Variants in ALK observed in about 807,000 individuals in gnomAD.
The protein encoded by ALK is ALK receptor tyrosine kinase, also known as ALK tyrosine kinase receptor.
In ALK, 74 loss-of-function variants were observed where a neutral mutation model predicts 163.1. That is an observed-to-expected ratio of 0.45 (90% CI 0.38 to 0.55). The LOEUF (loss-of-function observed/expected upper bound fraction) is 0.55, where lower values mean the gene tolerates loss of function less well. ALK is among the 20% of genes least tolerant of loss of function. The probability of loss-of-function intolerance (pLI) is 0.00; values close to 1 mark genes in which losing one functional copy is unlikely to be tolerated. For missense variants in ALK, 2,063 were observed against 2,105.3 expected (o/e 0.98, Z 0.39); for synonymous variants, 960 against 843.2 (o/e 1.14, Z -2.40).
At chr2:29,738,898 C>A (rs985969320) in intron 1 of ALK, among the ~76,000 whole-genome samples, 2 of 151,964 alleles carry the variant, frequency 1.3e-5, no homozygotes, top group Admixed American at 1.3e-4. Flanking sequence ...ACAATAATTT[C>A]TAGGATATCT....
At chr2:29,333,552 T>C (rs555906970) in intron 5 of ALK, among the ~76,000 whole-genome samples, 2 of 152,342 alleles carry the variant, frequency 1.3e-5, no homozygotes, top group Admixed American at 1.3e-4. Flanking sequence ...CTATTTATCA[T>C]ATGCGTGACA....
intron 4 of ALK, among the ~76,000 whole-genome samples, chr2:29,408,563 T>C (rs532842911): frequency 6.6e-6 from 1 of 152,320 alleles, no homozygotes; most frequent in African/African-American, 2.4e-5. Flanking sequence ...TCAATCGAGG[T>C]ATATGCATAT....
intron 1 of ALK, among the ~76,000 whole-genome samples, chr2:29,802,537 AGGAGGGGAGGGGAGGGGAGGAGAGG>A (rs1664506548): frequency 3.2e-4 from 1 of 3,170 alleles, no homozygotes; most frequent in Non-Finnish European, 6.5e-4. Context: ...AGGAGGGGAG[AGGAGGGGAGGGGAGGGGAGGAGAGG>A]GGAGGGGAGG....
intron 3 of ALK, among the ~76,000 whole-genome samples, chr2:29,657,596 TG>T (rs1052498510): frequency 4.6e-5 from 7 of 152,130 alleles, no homozygotes; most frequent in Non-Finnish European, 8.8e-5. Context: ...AAACACAAAA[TG>T]GCTCTGCTGT....
At chr2:29,636,295 G>C (rs1676526644) in intron 3 of ALK, among the ~76,000 whole-genome samples, 2 of 150,818 alleles carry the variant, frequency 1.3e-5, no homozygotes, top group South Asian at 4.2e-4. Context: ...ATAATAAATG[G>C]TCTTGGAGCA....
intron 12 of ALK, among the ~76,000 whole-genome samples, chr2:29,248,225 C>T (rs1469311632): frequency 6.6e-6 from 1 of 152,134 alleles, no homozygotes; most frequent in Non-Finnish European, 1.5e-5. Context: ...TCTATAATCC[C>T]AGCACTTTGG....
Position 29,228,939 on chromosome 2 carries a change from A to AAC in ALK, c.2759_2760insGT (p.Gly922SerfsTer18). The AAC allele has an allele frequency of 2.1e-6, 3 of 1,412,038 alleles. No individual in the cohort carries two copies. Among genetic ancestry groups the AAC allele is most frequent in the Admixed American group, 1.9e-5 (1 of 53,904 alleles). The allele number at this position is 1,412,038 out of a possible 1,614,324, so 87.5% of individuals were successfully genotyped here. ...AGCACCCCCCTCCACCCCCTCCGAA[A>AAC]CCCCCTCTTGTCTCCCACCCCCACT... On this transcript the variant is annotated frameshift_variant, in exon 16 of 29. Coordinates refer to ENST00000389048, the MANE Select transcript of ALK (RefSeq NM_004304.5). LOFTEE classifies it high-confidence loss of function.
chr2:29,507,490 C>G (rs1227699902), intron 4 of ALK, among the ~76,000 whole-genome samples: 2 of 152,104 alleles, frequency 1.3e-5, no homozygotes, highest in Admixed American at 1.3e-4. Flanking sequence ...TACTTTAACA[C>G]TATTGAACTG....
At chr2:29,537,679 T>C (rs1673297977) in intron 3 of ALK, among the ~76,000 whole-genome samples, 1 of 152,214 alleles carries the variant, frequency 6.6e-6, no homozygotes, top group Non-Finnish European at 1.5e-5. Flanking sequence ...CTGCCTTCTA[T>C]ATCCAAGAAT....
chr2:29,541,775 A>G (rs868132617), intron 3 of ALK, among the ~76,000 whole-genome samples: 1 of 152,218 alleles, frequency 6.6e-6, no homozygotes, highest in Non-Finnish European at 1.5e-5. Context: ...CACTGATGCA[A>G]CCAGCTCTTC....
chr2:29,531,398 G>A (rs1673113613), intron 4 of ALK, among the ~76,000 whole-genome samples: 1 of 152,100 alleles, frequency 6.6e-6, no homozygotes, highest in African/African-American at 2.4e-5. Context: ...TGTCTTGGTG[G>A]TTGTAGCACA....
At chr2:29,234,334 C>T (rs1179215357) in intron 13 of ALK, among the ~76,000 whole-genome samples, 1 of 152,100 alleles carries the variant, frequency 6.6e-6, no homozygotes, top group East Asian at 1.9e-4. Context: ...ACTTCATTCT[C>T]TATGAGAGCC....
At chr2:29,309,814 T>C (rs1666648654) in intron 8 of ALK, among the ~76,000 whole-genome samples, 1 of 152,158 alleles carries the variant, frequency 6.6e-6, no homozygotes, top group Non-Finnish European at 1.5e-5. Flanking sequence ...CTGGTGCTAA[T>C]GTGGACACTG....
intron 1 of ALK, among the ~76,000 whole-genome samples, chr2:29,763,189 C>G (rs1680760935): frequency 6.6e-6 from 1 of 151,754 alleles, no homozygotes; most frequent in Non-Finnish European, 1.5e-5. Context: ...GAGTTGTAAA[C>G]CTTTGCCAGA....
At chr2:29,858,116 C>T (rs747701516) in intron 1 of ALK, among the ~76,000 whole-genome samples, 3 of 152,026 alleles carry the variant, frequency 2.0e-5, no homozygotes, top group Non-Finnish European at 4.4e-5. Flanking sequence ...TTATCACACG[C>T]ATTAGTTTCT....
At chr2:29,750,111 C>T (rs1223633012) in intron 1 of ALK, among the ~76,000 whole-genome samples, 6 of 152,256 alleles carry the variant, frequency 3.9e-5, no homozygotes, top group African/African-American at 1.4e-4. Flanking sequence ...GCATGGGACT[C>T]GAGAAGTATA....
intron 4 of ALK, among the ~76,000 whole-genome samples, chr2:29,430,578 C>G (rs1253969326): frequency 6.6e-6 from 1 of 152,130 alleles, no homozygotes; most frequent in Non-Finnish European, 1.5e-5. Flanking sequence ...AGGTGGCTGG[C>G]CTGAGAGTCA....
intron 4 of ALK, 98 bp downstream of exon 4, chr2:29,531,817 C>T: frequency 8.0e-7 from 1 of 1,254,836 alleles, no homozygotes; most frequent in East Asian, 2.3e-5. Context: ...AAAGGACAAT[C>T]ATGAGTTTGT....
chr2:29,236,899 G>A (rs796430361), intron 13 of ALK, among the ~76,000 whole-genome samples: 14 of 152,126 alleles, frequency 9.2e-5, no homozygotes, highest in Admixed American at 2.6e-4. Context: ...GAACTCTAGC[G>A]GCCTGTCTCC....
Sources: allele counts gnomAD v4.1 joint callset (sites outside exome capture counted in the v4.1 genomes callset), GRCh38; gene constraint gnomAD v4.1.1; transcripts MANE v1.5; gene names NCBI Gene and HGNC (gene_info 2026-07-23, HGNC 2026-07-21).